Variants in BBX observed in about 807,000 individuals in gnomAD.
BBX encodes the protein HMG box transcription factor BBX.
Under a neutral mutation model 100.2 loss-of-function variants are expected in BBX, and 30 were observed. The ratio of observed to expected loss-of-function variants is 0.30; its 90% CI spans 0.22 to 0.41. The LOEUF (loss-of-function observed/expected upper bound fraction) is 0.41, where lower values mean the gene tolerates loss of function less well. Among genes scored for constraint, BBX ranks in the 10% least tolerant of loss-of-function variants. The probability of loss-of-function intolerance (pLI) is 1.00; values close to 1 mark genes in which losing one functional copy is unlikely to be tolerated. For synonymous variants in BBX, 376 were observed against 388.1 expected, an observed-to-expected ratio of 0.97 and a Z score of 0.37; for missense variants, 1,023 against 1,129.8, an observed-to-expected ratio of 0.91 and a Z score of 1.35.
At chr3:107,802,558 T>C (rs908188410) in intron 17 of BBX, among the ~76,000 whole-genome samples, 1 of 152,230 alleles carries the variant, frequency 6.6e-6, no homozygotes, top group Non-Finnish European at 1.5e-5. Flanking sequence ...CTGAATGTTA[T>C]TAAGTGTCCC....
intron 3 of BBX, among the ~76,000 whole-genome samples, chr3:107,671,790 A>T (rs2059032883): frequency 6.6e-6 from 1 of 152,122 alleles, no homozygotes; most frequent in African/African-American, 2.4e-5. Context: ...AGTGTTGATG[A>T]GTCTCTGACA....
At chr3:107,772,439 A>G (rs1051197350) in intron 10 of BBX, among the ~76,000 whole-genome samples, 189 bp from the exon 11 acceptor site, 3 of 152,258 alleles carry the variant, frequency 2.0e-5, no homozygotes, top group African/African-American at 7.2e-5. Flanking sequence ...AAATGACTGT[A>G]TAACAGTGCC....
chr3:107,701,244 G>T (rs993011814), intron 3 of BBX, among the ~76,000 whole-genome samples: 2 of 152,176 alleles, frequency 1.3e-5, no homozygotes. Flanking sequence ...GATTGCAGGG[G>T]AAGGGCAGTA....
At chr3:107,583,431 A>G (rs2052431797) in intron 2 of BBX, among the ~76,000 whole-genome samples, 1 of 152,028 alleles carries the variant, frequency 6.6e-6, no homozygotes, top group Non-Finnish European at 1.5e-5. Flanking sequence ...TTTTAGGAAC[A>G]AACTGAGTGA....
chr3:107,560,442 T>C (rs763497284), intron 2 of BBX, among the ~76,000 whole-genome samples: 19 of 152,244 alleles, frequency 1.2e-4, no homozygotes, highest in Non-Finnish European at 1.9e-4. Context: ...AGCTAGGAAG[T>C]GAGAATAAGA....
chr3:107,756,884 G>GTGAA (rs907183605), intron 10 of BBX, among the ~76,000 whole-genome samples: 4 of 152,174 alleles, frequency 2.6e-5, no homozygotes, highest in African/African-American at 9.7e-5. Flanking sequence ...AGCTGAAACA[G>GTGAA]TGAAGATCTG....
chr3:107,671,096 AT>A (rs200987016), intron 3 of BBX, among the ~76,000 whole-genome samples: 24,499 of 144,750 alleles, frequency 0.17, 2,542 homozygotes, highest in African/African-American at 0.3. Context: ...GAGTATTCTG[AT>A]TTTTTTTTTT....
At chr3:107,730,699 GT>G (rs1196795477) in intron 6 of BBX, among the ~76,000 whole-genome samples, 1 of 152,102 alleles carries the variant, frequency 6.6e-6, no homozygotes, top group Non-Finnish European at 1.5e-5. Flanking sequence ...TCAAAAGAAA[GT>G]ACAGGAAAGA....
At chr3:107,645,043 G>A (rs1277087793) in intron 2 of BBX, among the ~76,000 whole-genome samples, 1 of 152,162 alleles carries the variant, frequency 6.6e-6, no homozygotes, top group Non-Finnish European at 1.5e-5. Context: ...TACAGATTTA[G>A]AAGAAATATA....
rs1308716772 is a variant in BBX, at chr3:107,526,636, T to C, written c.-84+238T>C. 9.2e-6 allele frequency: 3 copies of C among 325,732 alleles called. No individual in the cohort carries two copies. The East Asian group carries it at 1.4e-4, about 16-fold the overall frequency. The allele number at this position is 325,732 out of a possible 1,614,324, so 20.2% of individuals were successfully genotyped here. On this transcript the variant is annotated intron_variant, in intron 2 of 17. Coordinates refer to ENST00000325805, the MANE Select transcript of BBX (RefSeq NM_001142568.3). ...TGTTTATCTACAAGTAATTGTCGTT[T>C]CAAAACTTATTCTCAAATAGACATT...
In BBX at chr3:107,667,781, T is replaced by G. The variant is rs540210673; in HGVS notation, c.-10+21872T>G. Among the ~76,000 whole-genome samples, 4 of 152,144 alleles carry G rather than the reference T, an allele frequency of 2.6e-5. No homozygotes were observed. The South Asian group carries it at 8.3e-4, about 32-fold the overall frequency. On this transcript the variant is annotated intron_variant, in intron 3 of 17. Transcript: ENST00000325805. ...CCAAGGAAGTATTCTAAAAATAGAT[T>G]TATCTATATTATTAGAAAGTATTTT...
chr3:107,541,571 G>C (rs2048865716), intron 2 of BBX, among the ~76,000 whole-genome samples: 1 of 152,132 alleles, frequency 6.6e-6, no homozygotes, highest in Admixed American at 6.5e-5. Flanking sequence ...CAAATTAAAT[G>C]TATAGTGACC....
Position 107,728,919 on chromosome 3 carries a change from C to A in BBX, c.560C>A (p.Ala187Glu), listed in dbSNP as rs765326590. Residue 187 changes from alanine to glutamate, a missense_variant, in exon 6 of 18, where the codon GCA becomes GAA. Coordinates refer to ENST00000325805, the MANE Select transcript of BBX (RefSeq NM_001142568.3). ...SSRDLPSPKK[A>E]KTEEMPQLNF... ...AGAGACTTGCCAAGCCCCAAGAAAG[C>A]AAAGACTGAAGAAATGCCTCAGCTT... 1 of 1,613,528 alleles carries A rather than the reference C, an allele frequency of 6.2e-7. No individual in the cohort carries two copies. The highest frequency in any genetic ancestry group is 8.5e-7 in the Non-Finnish European group (1 of 1,179,774).
At chr3:107,635,858 C>A (rs562918179) in intron 2 of BBX, among the ~76,000 whole-genome samples, 2 of 152,014 alleles carry the variant, frequency 1.3e-5, no homozygotes, top group South Asian at 4.2e-4. Context: ...ATTACAGGCG[C>A]CTGCCACTAC....
chr3:107,773,609 A>G lies in BBX; in HGVS notation c.1888A>G (p.Thr630Ala), dbSNP rs756132233. The change falls in exon 11 of 18, where the codon ACC becomes GCC. Residue 630 changes from threonine (T) to alanine (A), a missense_variant. This residue lies in a region of BBX where 5 missense variants were observed against 28.2 expected (regional missense o/e 0.18). Transcript: ENST00000325805. This position sits in a 1 kb window ranked among gnomAD's most constrained non-coding sequence, Gnocchi z 4.1. ...AACCCTGGTGTCTGAGGGCATGCTC[A>G]CCTCTCTGCGAGCTAATGTTGACAG... ...YKTLVSEGML[T>A]SLRANVDRGK... is the part of the protein sequence containing the mutation. 8 of 1,612,342 alleles carry G rather than the reference A, an allele frequency of 5.0e-6. No homozygotes were observed. Among genetic ancestry groups the G allele is most frequent in the Non-Finnish European group, 6.8e-6 (8 of 1,179,338 alleles).
intron 2 of BBX, among the ~76,000 whole-genome samples, chr3:107,636,111 A>G (rs528965848): frequency 1.3e-5 from 2 of 152,176 alleles, no homozygotes; most frequent in South Asian, 4.1e-4. Context: ...TTTATTTTGC[A>G]TGCTTTGCCA....
chr3:107,624,551 C>T (rs2056029923), intron 2 of BBX, among the ~76,000 whole-genome samples: 1 of 152,128 alleles, frequency 6.6e-6, no homozygotes, highest in Non-Finnish European at 1.5e-5. Flanking sequence ...AATTATCATG[C>T]AATGCGGGAC....
chr3:107,753,938 T>A (rs550267383), intron 9 of BBX, among the ~76,000 whole-genome samples: 11 of 152,342 alleles, frequency 7.2e-5, no homozygotes, highest in African/African-American at 2.6e-4. Context: ...GTTTATTAAG[T>A]GTTAAAGATA....
chr3:107,732,588 C>G (rs1241631114), intron 6 of BBX, among the ~76,000 whole-genome samples: 2 of 152,114 alleles, frequency 1.3e-5, no homozygotes, highest in African/African-American at 4.8e-5. Context: ...GAATAACAAT[C>G]TAAAATTTCT....
Sources: gnomAD v4.1 joint callset for allele counts (sites outside exome capture counted in the v4.1 genomes callset) on GRCh38, gnomAD v4.1.1 for gene constraint, gnomAD v4.1.1 regional missense constraint, Gnocchi (gnomAD v3.1) non-coding constraint, MANE v1.5 for transcripts, NCBI Gene and HGNC (gene_info 2026-07-23, HGNC 2026-07-21) for gene names.